LRP5: variants seen among roughly 807,000 people sequenced by gnomAD.
LRP5 encodes the protein low-density lipoprotein receptor-related protein 5.
A neutral mutation model predicts 154.1 loss-of-function variants in LRP5; 62 were observed. The observed-to-expected ratio is 0.40, with a 90% CI of 0.33 to 0.50. The LOEUF is 0.50. LRP5 is among the 20% of genes least tolerant of loss of function. The pLI is 0.55. For synonymous variants in LRP5, 966 were observed against 1,011.5 expected (o/e 0.96, Z 0.85); for missense variants, 1,915 against 2,336.7 (o/e 0.82, Z 3.72).
intron 6 of LRP5, among the ~76,000 whole-genome samples, chr11:68,387,605 GA>G (rs1357452314): frequency 6.6e-6 from 1 of 152,220 alleles, no homozygotes; most frequent in Non-Finnish European, 1.5e-5. Flanking sequence ...AGAAATCTGT[GA>G]AAGCAGATAG....
intron 9 of LRP5, among the ~76,000 whole-genome samples, chr11:68,407,905 G>A (rs1201167648): frequency 6.6e-6 from 1 of 152,138 alleles, no homozygotes; most frequent in African/African-American, 2.4e-5. Context: ...GATTGTCTGT[G>A]GCAGCTTTTG....
chr11:68,404,248 A>G (rs1036304108), intron 8 of LRP5: 20 of 519,880 alleles, frequency 3.8e-5, no homozygotes, highest in South Asian at 3.1e-4. Context: ...TGGAGAGAGC[A>G]GCATCCAGGT....
At chr11:68,384,713 C>T (rs561512839) in intron 5 of LRP5, among the ~76,000 whole-genome samples, 3 of 151,786 alleles carry the variant, frequency 2.0e-5, no homozygotes, top group South Asian at 4.2e-4. Context: ...TGTGGAGCCT[C>T]GGGCCCTGGG....
At chr11:68,416,923 TG>T (rs1402416407) in intron 13 of LRP5, among the ~76,000 whole-genome samples, 6 of 152,138 alleles carry the variant, frequency 3.9e-5, no homozygotes, top group African/African-American at 1.4e-4. Flanking sequence ...AAGACACCTA[TG>T]CAAAATCGCA....
intron 1 of LRP5, among the ~76,000 whole-genome samples, chr11:68,325,036 T>TGACCACAGACCTCCTCC (rs2098598875): frequency 6.6e-6 from 1 of 152,210 alleles, no homozygotes; most frequent in Non-Finnish European, 1.5e-5. Flanking sequence ...AGCCCGGTTC[T>TGACCACAGACCTCCTCC]GACCACAGAC....
In LRP5 at chr11:68,335,848, C is replaced by T. The variant is rs368598068; in HGVS notation, c.92-11999C>T. ...CGACAGCCGGAGCAAGAAGATGGGG[C>T]GTTGTGGCCTCAGTTGACCTCAGTT... On this transcript the variant is annotated intron_variant, in intron 1 of 22. Transcript: ENST00000294304. Among the ~76,000 whole-genome samples the T allele has an allele frequency of 3.3e-5, 5 of 152,214 alleles. No individual in the cohort carries two copies. The East Asian group carries it at 5.8e-4, about 18-fold the overall frequency.
chr11:68,389,980 G>T lies in LRP5; in HGVS notation c.1512G>T (p.Trp504Cys), dbSNP rs545508982. The change falls in exon 7 of 23, where the codon TGG (tryptophan) becomes TGT (cysteine). Residue 504 changes from tryptophan (W) to cysteine (C), a missense_variant. Physicochemically the swap from Trp to Cys is radical, Grantham distance 215. Coordinates refer to ENST00000294304, the MANE Select transcript of LRP5 (RefSeq NM_002335.4). The part of the protein sequence containing the change: ...RRVLVNASLG[W>C]PNGLALDLQE... ...TGCTGGTCAATGCCTCCCTCGGGTG[G>T]CCCAACGGCCTGGCCCTGGACCTGC... 3 of 1,614,144 alleles carry T rather than the reference G, an allele frequency of 1.9e-6. No individual in the cohort carries two copies. The highest frequency in any genetic ancestry group is 4.5e-5 in the East Asian group (2 of 44,878).
intron 5 of LRP5, among the ~76,000 whole-genome samples, chr11:68,378,248 G>A (rs1156706044): frequency 2.0e-5 from 3 of 152,222 alleles, no homozygotes; most frequent in Non-Finnish European, 4.4e-5. Context: ...CTGCACACTG[G>A]TGACCCATTG....
upstream of LRP5, among the ~76,000 whole-genome samples, chr11:68,309,481 C>T (rs2098586392): frequency 1.3e-5 from 2 of 152,126 alleles, no homozygotes; most frequent in Admixed American, 1.3e-4. Context: ...GATCCACCCT[C>T]CTCGGCCTCC....
the LRP5 span, among the ~76,000 whole-genome samples, chr11:68,299,030 CCGATCT>C: frequency 6.6e-6 from 1 of 152,194 alleles, no homozygotes; most frequent in Non-Finnish European, 1.5e-5. Flanking sequence ...ATCCGCCGTC[CCGATCT>C]TGCCCCTACA....
intron 1 of LRP5, among the ~76,000 whole-genome samples, chr11:68,331,758 TG>T (rs1591183403): frequency 6.6e-6 from 1 of 151,656 alleles, no homozygotes; most frequent in East Asian, 1.9e-4. Context: ...TGTGTGTGTG[TG>T]TGTGTGTGTG....
intron 1 of LRP5, among the ~76,000 whole-genome samples, chr11:68,330,712 A>G (rs1422460899): frequency 6.6e-6 from 1 of 152,250 alleles, no homozygotes; most frequent in Non-Finnish European, 1.5e-5. Flanking sequence ...AAACAATTCC[A>G]CAGTAGCCAA....
chr11:68,447,368 G>A lies in LRP5; in HGVS notation c.4586+835G>A, dbSNP rs927903808. 6.6e-6 allele frequency among the ~76,000 whole-genome samples: 1 copy of A among 152,200 alleles called. No homozygotes were observed. Among genetic ancestry groups the A allele is most frequent in the African/African-American group, 2.4e-5 (1 of 41,456 alleles). On this transcript the variant is annotated intron_variant, in intron 22 of 22. Transcript: ENST00000294304. This position sits in a 1 kb window ranked among gnomAD's most constrained non-coding sequence, Gnocchi z 4.3. ...TTGCTTGGGTCCCTGGAGCAGCAGG[G>A]CCTCCCGAGTGTGGTGCCGCCTGCC...
At chr11:68,347,740 C>T in intron 1 of LRP5, 107 bp from the exon 2 acceptor site, 1 of 1,355,830 alleles carries the variant, frequency 7.4e-7, no homozygotes, top group Non-Finnish European at 1.0e-6. Context: ...AGGTCTTGGG[C>T]ATGGGCAGGG....
intron 1 of LRP5, among the ~76,000 whole-genome samples, chr11:68,316,428 C>T (rs1482784673): frequency 1.1e-4 from 17 of 152,058 alleles, no homozygotes; most frequent in African/African-American, 4.1e-4. Context: ...CCCGCCACCA[C>T]GCCCAGCTAA....
At chr11:68,364,358 ATGTGTGTGTGTGTG>A (rs113821152) in intron 4 of LRP5, among the ~76,000 whole-genome samples, 16 of 145,426 alleles carry the variant, frequency 1.1e-4, no homozygotes, top group African/African-American at 3.5e-4. Flanking sequence ...ATACATATAT[ATGTGTGTGTGTGTG>A]TGTGTGTGTG....
chr11:68,405,083 A>G (rs2098654835), intron 8 of LRP5, among the ~76,000 whole-genome samples: 1 of 151,710 alleles, frequency 6.6e-6, no homozygotes, highest in Non-Finnish European at 1.5e-5. Context: ...GCTTGAACCC[A>G]GGAGGTAGAG....
intron 7 of LRP5, among the ~76,000 whole-genome samples, chr11:68,391,884 C>G (rs2098646545): frequency 6.6e-6 from 1 of 152,226 alleles, no homozygotes; most frequent in African/African-American, 2.4e-5. Context: ...CTCGCTCACC[C>G]AGGCGAGAGT....
At chr11:68,351,274 G>A (rs910028790) in intron 2 of LRP5, among the ~76,000 whole-genome samples, 3 of 151,980 alleles carry the variant, frequency 2.0e-5, no homozygotes, top group Admixed American at 6.5e-5. Context: ...GCTGCCCTCC[G>A]AGTGGGCTAG....
Sources: gnomAD v4.1 joint callset for allele counts (sites outside exome capture counted in the v4.1 genomes callset) on GRCh38, gnomAD v4.1.1 for gene constraint, Gnocchi (gnomAD v3.1) non-coding constraint, MANE v1.5 for transcripts, NCBI Gene and HGNC (gene_info 2026-07-23, HGNC 2026-07-21) for gene names.